FYTTD1: variants seen among roughly 807,000 people sequenced by gnomAD.
FYTTD1 encodes the protein UAP56-interacting factor.
Under a neutral mutation model 40.9 loss-of-function variants are expected in FYTTD1, and 22 were observed. The observed-to-expected ratio is 0.54, with a 90% confidence interval of 0.38 to 0.77. FYTTD1 has a LOEUF of 0.77. FYTTD1 is among the 30% of genes least tolerant of loss of function. The pLI is 0.00. For synonymous variants in FYTTD1, 140 were observed against 137.9 expected, an observed-to-expected ratio of 1.01 and a Z score of -0.10; for missense variants, 351 against 392.2, an observed-to-expected ratio of 0.90 and a Z score of 0.89.
At chr3:197,750,401 CTCGCCGG>C (rs950431574) in intron 1 of FYTTD1, 11 of 1,060,824 alleles carry the variant, frequency 1.0e-5, no homozygotes, top group Non-Finnish European at 1.3e-5. Context: ...CGGCTCGCCG[CTCGCCGG>C]CTCTTTGTGA....
In FYTTD1 at chr3:197,774,145, T is replaced by A; in HGVS notation, c.595-4T>A. The stretch of plus-strand genomic sequence containing the variant: ...GGTACCTACTGCTTTTTTTTTCCCT[T>A]CAGGTGCAGGCCCAGTTGAATACAG... On this transcript the variant is annotated splice_region_variant and splice_polypyrimidine_tract_variant and intron_variant, in intron 5 of 8. Coordinates refer to ENST00000241502, the MANE Select transcript of FYTTD1 (RefSeq NM_032288.7). 6.2e-7 allele frequency: 1 copy of A among 1,613,524 alleles called. No individual in the cohort carries two copies. Among genetic ancestry groups the A allele is most frequent in the Non-Finnish European group, 8.5e-7 (1 of 1,179,422 alleles).
Position 197,768,462 on chromosome 3 carries a change from C to G in FYTTD1, c.259C>G (p.Arg87Gly). The G allele has an allele frequency of 6.2e-7, 1 of 1,611,576 alleles. No homozygotes were observed. The highest frequency in any genetic ancestry group is 2.2e-5 in the East Asian group (1 of 44,824). Residue 87 changes from arginine (R) to glycine (G), a missense_variant, in exon 3 of 9, where the codon CGT (arginine) becomes GGT (glycine). Arg to Gly is a moderately radical substitution (Grantham distance 125, BLOSUM62 -2). Transcript: ENST00000241502. ...AGGTTTTGGTAAGACTAGTCTGAAT[C>G]GTAGAGGAAGAGTAATGCCTGGAAA... ...NSGFGKTSLN[R>G]RGRVMPGKRR... is the part of the protein sequence containing the mutation.
Position 197,783,455 on chromosome 3 carries a change from G to T in FYTTD1, c.*1546G>T, listed in dbSNP as rs1050409346. The T allele has an allele frequency of 6.6e-6, 1 of 152,518 alleles. No homozygotes were observed. The highest frequency in any genetic ancestry group is 1.5e-5 in the Non-Finnish European group (1 of 68,026). The allele number at this position is 152,518 out of a possible 1,614,324, so 9.4% of individuals were successfully genotyped here. A position where few individuals can be genotyped will look rare whatever the true frequency, so the allele number is the denominator to read the frequency against. On this transcript the variant is annotated 3_prime_UTR_variant, in exon 9 of 9. Coordinates refer to ENST00000241502, the MANE Select transcript of FYTTD1 (RefSeq NM_032288.7). ...TTATGCTCGCCATGGAAAGCTATCA[G>T]TAACAGTTTCATGCTTATACCAAAG...
At chr3:197,764,064 G>A (rs1392386474) in intron 2 of FYTTD1, among the ~76,000 whole-genome samples, 1 of 152,146 alleles carries the variant, frequency 6.6e-6, no homozygotes, top group Non-Finnish European at 1.5e-5. Flanking sequence ...TACTGCTCTG[G>A]TGGAGCTGAA....
At position 197,781,919 on chromosome 3, in the gene FYTTD1, CAAAG is replaced by C; in HGVS notation, c.*11_*14del. The C allele has an allele frequency of 6.5e-7, 1 of 1,540,086 alleles. No individual in the cohort carries two copies. Among genetic ancestry groups the C allele is most frequent in the Non-Finnish European group, 8.8e-7 (1 of 1,131,702 alleles). On this transcript the variant is annotated 3_prime_UTR_variant, in exon 9 of 9. Coordinates refer to ENST00000241502, the MANE Select transcript of FYTTD1 (RefSeq NM_032288.7). Reference sequence around the variant, plus strand: ...TGTCACCGTGGGATAGGTCCCATGTCAAAGGAACTTTTGAGTGATGACTCTGAGA... The same window carrying C: ...TGTCACCGTGGGATAGGTCCCATGTCGAACTTTTGAGTGATGACTCTGAGA...
At chr3:197,750,097 G>C in intron 1 of FYTTD1, 23 bp downstream of exon 1, 1 of 1,527,588 alleles carries the variant, frequency 6.5e-7, no homozygotes, top group East Asian at 2.7e-5. Flanking sequence ...GTTGGACCGA[G>C]TTGGAGTGCG....
intron 2 of FYTTD1, among the ~76,000 whole-genome samples, chr3:197,768,162 G>C (rs1206762691): frequency 6.6e-6 from 1 of 152,180 alleles, no homozygotes; most frequent in East Asian, 1.9e-4. Flanking sequence ...AGACTCGACA[G>C]ACTGTCCTGT....
intron 8 of FYTTD1, among the ~76,000 whole-genome samples, chr3:197,781,464 G>A (rs1452071732): frequency 4.0e-5 from 6 of 151,174 alleles, no homozygotes; most frequent in Non-Finnish European, 5.9e-5. Context: ...TTTCTGTGTT[G>A]AACTCACCGT....
intron 1 of FYTTD1, among the ~76,000 whole-genome samples, chr3:197,753,039 G>T (rs546467705): frequency 6.6e-6 from 1 of 152,162 alleles, no homozygotes; most frequent in South Asian, 2.1e-4. Context: ...ATGAAGTGCT[G>T]TGGAGAGCTG....
intron 6 of FYTTD1, among the ~76,000 whole-genome samples, chr3:197,776,252 CT>C (rs1463745018): frequency 6.7e-5 from 10 of 149,420 alleles, no homozygotes; most frequent in Non-Finnish European, 1.5e-4. Flanking sequence ...GTTGCCCAGG[CT>C]GGAGCGCAGT....
chr3:197,776,992 A>C lies in FYTTD1; in HGVS notation c.722A>C (p.Gln241Pro). The C allele has an allele frequency of 6.2e-7, 1 of 1,604,062 alleles. No individual in the cohort carries two copies. ...TCTATTGACAATCCTGGAGCAGTGCAATGCCCAGTGTAAGTTGTTTCTTTC... is the reference window on the plus strand; with the variant it reads ...TCTATTGACAATCCTGGAGCAGTGCCATGCCCAGTGTAAGTTGTTTCTTTC... ...TVSIDNPGAVQCPVTQKPRLT... is the reference protein window; with the variant it reads ...TVSIDNPGAVPCPVTQKPRLT... Residue 241 changes from glutamine (Q) to proline (P), a missense_variant, in exon 7 of 9, where the codon CAA (glutamine) becomes CCA (proline). Gln to Pro is a moderately conservative substitution (Grantham distance 76). Transcript: ENST00000241502.
intron 2 of FYTTD1, chr3:197,763,584 G>A (rs1487067656): frequency 1.2e-5 from 5 of 434,628 alleles, no homozygotes; most frequent in Middle Eastern, 3.3e-4. Context: ...CAGGACCAGC[G>A]TGGGCAACAT....
In FYTTD1 at chr3:197,783,886, A is replaced by G. The variant is rs2109058772; in HGVS notation, c.*1977A>G. On this transcript the variant is annotated 3_prime_UTR_variant, in exon 9 of 9. Coordinates refer to ENST00000241502, the MANE Select transcript of FYTTD1 (RefSeq NM_032288.7). Reference sequence around the variant, plus strand: ...CAAATACTGACATTGAGTGCATTAAATAACAAATTATCTTTGATACATTAA... The same window carrying G: ...CAAATACTGACATTGAGTGCATTAAGTAACAAATTATCTTTGATACATTAA... 1 of 152,754 alleles carries G rather than the reference A, an allele frequency of 6.5e-6. No homozygotes were observed. Among genetic ancestry groups the G allele is most frequent in the East Asian group, 1.9e-4 (1 of 5,190 alleles). The allele number at this position is 152,754 out of a possible 1,614,324, so 9.5% of individuals were successfully genotyped here.
At chr3:197,764,281 T>C (rs567952209) in intron 2 of FYTTD1, among the ~76,000 whole-genome samples, 59 of 152,336 alleles carry the variant, frequency 3.9e-4, no homozygotes, top group African/African-American at 1.3e-3. Context: ...GGGCAGTATG[T>C]ATACATTTTT....
chr3:197,774,357 C>T (rs1729808702), intron 6 of FYTTD1, 147 bp downstream of exon 6: 1 of 666,054 alleles, frequency 1.5e-6, no homozygotes, highest in South Asian at 1.9e-5. Context: ...GTGCTACACA[C>T]CTGTAATCCC....
chr3:197,777,054 CA>C (rs1305892635), intron 7 of FYTTD1, 53 bp downstream of exon 7: 25 of 1,069,064 alleles, frequency 2.3e-5, no homozygotes, highest in Admixed American at 1.0e-4. Context: ...TACATGAGAT[CA>C]TAAGAAAGTA....
intron 6 of FYTTD1, 68 bp downstream of exon 6, chr3:197,774,278 A>G: frequency 8.0e-7 from 1 of 1,253,888 alleles, no homozygotes. Context: ...CCAAATTATC[A>G]TGTACCTCAG....
At chr3:197,764,633 C>T (rs941095651) in intron 2 of FYTTD1, among the ~76,000 whole-genome samples, 16 of 148,962 alleles carry the variant, frequency 1.1e-4, no homozygotes, top group East Asian at 8.3e-4. Flanking sequence ...GGTGTGAACC[C>T]GGGAGGCGGA....
chr3:197,758,139 G>A (rs1286801202), intron 2 of FYTTD1, among the ~76,000 whole-genome samples: 2 of 151,392 alleles, frequency 1.3e-5, no homozygotes, highest in South Asian at 2.1e-4. Context: ...CCAGCCTCAG[G>A]TGATCCACCT....
Sources: allele counts gnomAD v4.1 joint callset (sites outside exome capture counted in the v4.1 genomes callset), GRCh38; gene constraint gnomAD v4.1.1; transcripts MANE v1.5; gene names NCBI Gene and HGNC (gene_info 2026-07-23, HGNC 2026-07-21).